The following ARHGEF10L variants were observed in gnomAD, a reference collection of about 807,000 sequenced individuals.
ARHGEF10L encodes the protein rho guanine nucleotide exchange factor 10-like protein.
Under a neutral mutation model 141.2 loss-of-function variants are expected in ARHGEF10L, and 69 were observed. The ratio of observed to expected loss-of-function variants is 0.49; its 90% CI spans 0.40 to 0.60. The LOEUF is 0.60. ARHGEF10L is among the 20% of genes least tolerant of loss of function. The pLI is 0.00. For synonymous variants in ARHGEF10L, 711 were observed against 718.5 expected (o/e 0.99, Z 0.17); for missense variants, 1,482 against 1,734.3 (o/e 0.85, Z 2.58).
chr1:17,674,622 A>G (rs1199986676), intron 26 of ARHGEF10L, among the ~76,000 whole-genome samples: 1 of 152,210 alleles, frequency 6.6e-6, no homozygotes, highest in African/African-American at 2.4e-5. Context: ...GCGTGAGCTG[A>G]TGCCTGTGCA....
In ARHGEF10L at chr1:17,639,781, C is replaced by A; in HGVS notation, c.2172-421C>A. On this transcript the variant is annotated intron_variant, in intron 20 of 28. Coordinates refer to ENST00000361221, the MANE Select transcript of ARHGEF10L (RefSeq NM_018125.4). This position sits in a 1 kb window ranked among gnomAD's most constrained non-coding sequence, Gnocchi z 4.3. ...AGCAAACATTTACTGAGCAACTGTCCCATGCCAGGTGCTGGGAACAGACCC... is the reference window on the plus strand; with the variant it reads ...AGCAAACATTTACTGAGCAACTGTCACATGCCAGGTGCTGGGAACAGACCC... 8.8e-7 allele frequency: 1 copy of A among 1,136,730 alleles called. No homozygotes were observed. The allele number at this position is 1,136,730 out of a possible 1,614,324, so 70.4% of individuals were successfully genotyped here. A position where few individuals can be genotyped will look rare whatever the true frequency, so the allele number is the denominator to read the frequency against.
chr1:17,524,935 G>C, the ARHGEF10L span, among the ~76,000 whole-genome samples: 1 of 152,208 alleles, frequency 6.6e-6, no homozygotes, highest in Admixed American at 6.5e-5. Flanking sequence ...CTGCCACCAA[G>C]TAAGTCCTCT....
intron 26 of ARHGEF10L, among the ~76,000 whole-genome samples, chr1:17,674,183 C>T (rs932547176): frequency 3.3e-5 from 5 of 152,156 alleles, no homozygotes; most frequent in Non-Finnish European, 1.5e-5. Flanking sequence ...AAAATCTCCC[C>T]TTTTTTCCCA....
intron 1 of ARHGEF10L, among the ~76,000 whole-genome samples, chr1:17,579,510 G>A (rs932514405): frequency 3.9e-5 from 6 of 152,124 alleles, no homozygotes; most frequent in Non-Finnish European, 7.3e-5. Flanking sequence ...TTATAATTTG[G>A]AATAATAGAC....
At chr1:17,535,805 T>C (rs1013651198), upstream of ARHGEF10L, among the ~76,000 whole-genome samples, 1 of 152,198 alleles carries the variant, frequency 6.6e-6, no homozygotes, top group Admixed American at 6.5e-5. Context: ...TTGAAACCCA[T>C]CCACTCATCT....
At chr1:17,567,406 G>T (rs186482352) in intron 1 of ARHGEF10L, among the ~76,000 whole-genome samples, 1 of 152,006 alleles carries the variant, frequency 6.6e-6, no homozygotes, top group African/African-American at 2.4e-5. Context: ...TCACTCTGTC[G>T]CCCAGGCTGG....
chr1:17,565,608 C>CT (rs1570499919), intron 1 of ARHGEF10L, among the ~76,000 whole-genome samples: 1 of 152,364 alleles, frequency 6.6e-6, no homozygotes, highest in East Asian at 1.9e-4. Flanking sequence ...CCTTCCCCTT[C>CT]TGGACCGCCA....
chr1:17,661,959 G>A (rs373653588), intron 25 of ARHGEF10L, among the ~76,000 whole-genome samples: 15 of 152,128 alleles, frequency 9.9e-5, no homozygotes, highest in African/African-American at 2.2e-4. Flanking sequence ...TTCAAAACCC[G>A]TCTGGCCTGT....
intron 26 of ARHGEF10L, 41 bp downstream of exon 26, chr1:17,664,636 CT>C: frequency 6.8e-7 from 1 of 1,476,358 alleles, no homozygotes; most frequent in Non-Finnish European, 9.0e-7. Flanking sequence ...GGAGGCCTGC[CT>C]TCCTTTTGCT....
chr1:17,661,378 T>C (rs1557965741), intron 25 of ARHGEF10L, among the ~76,000 whole-genome samples: 1 of 152,198 alleles, frequency 6.6e-6, no homozygotes, highest in Non-Finnish European at 1.5e-5. Context: ...GTACCCGGCC[T>C]TTATGAGTTT....
chr1:17,520,726 C>A, the ARHGEF10L span, among the ~76,000 whole-genome samples: 8 of 152,306 alleles, frequency 5.3e-5, no homozygotes, highest in South Asian at 1.5e-3. Flanking sequence ...GGAGTGAGAA[C>A]GGCAGAGGTG....
At chr1:17,530,351 TA>T in the ARHGEF10L span, among the ~76,000 whole-genome samples, 1 of 152,128 alleles carries the variant, frequency 6.6e-6, no homozygotes, top group Non-Finnish European at 1.5e-5. Context: ...GGACAATGGG[TA>T]AGACATTTTC....
rs934091335 is a variant in ARHGEF10L, at chr1:17,621,213, T to G, written c.943-651T>G. On this transcript the variant is annotated intron_variant, in intron 10 of 28. Transcript: ENST00000361221. This position sits in a 1 kb window ranked among gnomAD's most constrained non-coding sequence, Gnocchi z 4.1. ...GTGAAGGGAGCTGAGATTCGGTTCA[T>G]GCTAATGCTAAGACAGAATTTTCTT... Among the ~76,000 whole-genome samples, 1 of 152,198 alleles carries G rather than the reference T, an allele frequency of 6.6e-6. No homozygotes were observed. Among genetic ancestry groups the G allele is most frequent in the African/African-American group, 2.4e-5 (1 of 41,452 alleles).
chr1:17,596,140 G>A (rs1435810865), intron 4 of ARHGEF10L, among the ~76,000 whole-genome samples: 1 of 152,232 alleles, frequency 6.6e-6, no homozygotes, highest in Non-Finnish European at 1.5e-5. Flanking sequence ...CAGAGTCTCT[G>A]GGGCGGGGGC....
At chr1:17,647,590 A>G (rs756733018) in intron 21 of ARHGEF10L, among the ~76,000 whole-genome samples, 6 of 152,132 alleles carry the variant, frequency 3.9e-5, no homozygotes, top group Non-Finnish European at 8.8e-5. Context: ...TGTGCCTTGC[A>G]GTGTGCTGGG....
rs768366352 is a variant in ARHGEF10L, at chr1:17,697,071, G to A, written c.3531G>A (p.Leu1177=). Residue 1177 remains leucine (L), a synonymous_variant, in exon 29 of 29, where the codon CTG becomes CTA. Coordinates refer to ENST00000361221, the MANE Select transcript of ARHGEF10L (RefSeq NM_018125.4). The surrounding 1 kb of genome is among the most constrained non-coding windows in gnomAD (Gnocchi z 4.8). ...AGGGCATCCTCTTGCAGTACCGCCT[G>A]CGCTCCACCGCACACCTCCCGGGCC... The part of the protein sequence containing the change: ...RKKGILLQYR[L]RSTAHLPGPL... The A allele has an allele frequency of 2.5e-6, 4 of 1,605,346 alleles. No individual in the cohort carries two copies. Among genetic ancestry groups the A allele is most frequent in the Admixed American group, 1.7e-5 (1 of 59,616 alleles).
At chr1:17,628,863 C>A (rs941784590) in intron 15 of ARHGEF10L, among the ~76,000 whole-genome samples, 1 of 152,156 alleles carries the variant, frequency 6.6e-6, no homozygotes, top group Non-Finnish European at 1.5e-5. Context: ...AGCATCTTTG[C>A]TTTCCACCCC....
In ARHGEF10L at chr1:17,616,084, C is replaced by T. The variant is rs745330393; in HGVS notation, c.727-10C>T. On this transcript the variant is annotated splice_polypyrimidine_tract_variant and intron_variant, in intron 8 of 28. Coordinates refer to ENST00000361221, the MANE Select transcript of ARHGEF10L (RefSeq NM_018125.4). Reference sequence around the variant, plus strand: ...TCCCTTCCCTGATGAGCCTCTCTACCTTTGCTCAGATGACCCAGCTCATGA... The same window carrying T: ...TCCCTTCCCTGATGAGCCTCTCTACTTTTGCTCAGATGACCCAGCTCATGA... 8 of 1,612,684 alleles carry T rather than the reference C, an allele frequency of 5.0e-6. No homozygotes were observed. The South Asian group carries it at 7.7e-5, about 15-fold the overall frequency.
chr1:17,661,839 G>T (rs1172533396), intron 25 of ARHGEF10L, among the ~76,000 whole-genome samples: 3 of 152,170 alleles, frequency 2.0e-5, no homozygotes, highest in Non-Finnish European at 4.4e-5. Flanking sequence ...GGCCGCCTTC[G>T]GGTCACTCGC....
Sources: allele counts gnomAD v4.1 joint callset (sites outside exome capture counted in the v4.1 genomes callset), GRCh38; gene constraint gnomAD v4.1.1; non-coding constraint Gnocchi (gnomAD v3.1); transcripts MANE v1.5; gene names NCBI Gene and HGNC (gene_info 2026-07-23, HGNC 2026-07-21).